Variants in COX7B2 observed in about 807,000 individuals in gnomAD.
COX7B2 encodes the protein cytochrome c oxidase subunit 7B2, mitochondrial.
For synonymous variants in COX7B2, 37 were observed against 32.1 expected, an observed-to-expected ratio of 1.15 and a Z score of -0.51; for missense variants, 109 against 95.9, an observed-to-expected ratio of 1.14 and a Z score of -0.57.
intron 2 of COX7B2, among the ~76,000 whole-genome samples, chr4:46,741,493 A>G (rs527854926): frequency 1.3e-4 from 20 of 152,208 alleles, no homozygotes; most frequent in Non-Finnish European, 7.4e-5. Context: ...CTGTATATAC[A>G]GAAAGGTGTA....
chr4:46,892,529 T>C (rs946538399), intron 1 of COX7B2, among the ~76,000 whole-genome samples: 7 of 152,190 alleles, frequency 4.6e-5, no homozygotes, highest in Admixed American at 1.3e-4. Flanking sequence ...ATATGGAAGA[T>C]AGAGCCTTGC....
intron 2 of COX7B2, among the ~76,000 whole-genome samples, chr4:46,743,746 G>A (rs1714849715): frequency 6.6e-6 from 1 of 152,150 alleles, no homozygotes. Flanking sequence ...TCCAAATGTA[G>A]CTAAACATGC....
intron 2 of COX7B2, among the ~76,000 whole-genome samples, chr4:46,781,634 G>A (rs1717454323): frequency 6.6e-6 from 1 of 152,240 alleles, no homozygotes; most frequent in African/African-American, 2.4e-5. Flanking sequence ...CTCTGGGCTG[G>A]CTGAGGCCGG....
intron 1 of COX7B2, among the ~76,000 whole-genome samples, chr4:46,886,976 C>A (rs1719119813): frequency 6.6e-6 from 1 of 152,108 alleles, no homozygotes; most frequent in Non-Finnish European, 1.5e-5. Flanking sequence ...TTAAACTCGA[C>A]ACAGGAAGCT....
At chr4:46,882,095 T>C (rs1356489164) in intron 1 of COX7B2, among the ~76,000 whole-genome samples, 1 of 152,230 alleles carries the variant, frequency 6.6e-6, no homozygotes, top group Non-Finnish European at 1.5e-5. Context: ...TCCATGTAAC[T>C]GCATGATTTT....
At chr4:46,902,076 G>A (rs1224762561) in intron 1 of COX7B2, among the ~76,000 whole-genome samples, 1 of 151,946 alleles carries the variant, frequency 6.6e-6, no homozygotes, top group Non-Finnish European at 1.5e-5. Context: ...TGTTTCTCTG[G>A]AGAACCCTGC....
intron 2 of COX7B2, among the ~76,000 whole-genome samples, chr4:46,833,195 G>A (rs577539925): frequency 5.8e-4 from 88 of 152,168 alleles, no homozygotes; most frequent in African/African-American, 1.2e-3. Flanking sequence ...GTGAGCCACC[G>A]CGCCCCACCA....
chr4:46,745,055 C>T (rs1714940428), intron 2 of COX7B2, among the ~76,000 whole-genome samples: 1 of 152,118 alleles, frequency 6.6e-6, no homozygotes, highest in Admixed American at 6.5e-5. Flanking sequence ...TTTAAAGACA[C>T]ATTTACCAAT....
chr4:46,831,303 C>A (rs962003020), intron 2 of COX7B2, among the ~76,000 whole-genome samples: 2 of 152,180 alleles, frequency 1.3e-5, no homozygotes, highest in Non-Finnish European at 2.9e-5. Context: ...CTGCAGCCTG[C>A]CATGCCTGAG....
At chr4:46,893,803 C>T (rs1057107965) in intron 1 of COX7B2, among the ~76,000 whole-genome samples, 3 of 151,962 alleles carry the variant, frequency 2.0e-5, no homozygotes, top group Non-Finnish European at 4.4e-5. Context: ...AATGTTGTCA[C>T]ATAAAATAAT....
chr4:46,736,929 G>A (rs1204268535), intron 2 of COX7B2, among the ~76,000 whole-genome samples: 1 of 152,106 alleles, frequency 6.6e-6, no homozygotes, highest in Non-Finnish European at 1.5e-5. Context: ...ACATCTGTGG[G>A]TAGGGTTTTG....
intron 2 of COX7B2, among the ~76,000 whole-genome samples, chr4:46,804,172 C>A (rs1718838543): frequency 6.6e-6 from 1 of 152,114 alleles, no homozygotes; most frequent in Non-Finnish European, 1.5e-5. Context: ...GGTTCGTGGT[C>A]TCACTAGCTT....
At chr4:46,792,556 C>T (rs1718106880) in intron 2 of COX7B2, among the ~76,000 whole-genome samples, 1 of 152,200 alleles carries the variant, frequency 6.6e-6, no homozygotes. Flanking sequence ...GGGACTGAGG[C>T]TTACACTATC....
intron 2 of COX7B2, among the ~76,000 whole-genome samples, chr4:46,785,759 C>T (rs997114598): frequency 4.7e-4 from 72 of 152,004 alleles, no homozygotes; most frequent in African/African-American, 1.7e-3. Flanking sequence ...TTCACCTAAC[C>T]ACATGAATAG....
chr4:46,750,056 ATAAGTT>A (rs1412690672), intron 2 of COX7B2, among the ~76,000 whole-genome samples: 2 of 152,146 alleles, frequency 1.3e-5, no homozygotes, highest in Admixed American at 1.3e-4. Flanking sequence ...ATTCCACAGA[ATAAGTT>A]TAAGAATTTC....
At chr4:46,822,057 G>A (rs1291648809) in intron 2 of COX7B2, among the ~76,000 whole-genome samples, 3 of 152,198 alleles carry the variant, frequency 2.0e-5, no homozygotes, top group Non-Finnish European at 2.9e-5. Context: ...GACTATAGGC[G>A]CATGCCACCA....
intron 2 of COX7B2, among the ~76,000 whole-genome samples, chr4:46,777,069 A>C (rs1400451967): frequency 6.6e-6 from 1 of 152,132 alleles, no homozygotes; most frequent in Non-Finnish European, 1.5e-5. Context: ...CATCATCCAG[A>C]GTAAATGTAA....
rs1716248347 is a variant in COX7B2, at chr4:46,762,509, A to G, written c.-49-27268T>C. Among the ~76,000 whole-genome samples, 3 of 142,386 alleles carry G rather than the reference A, an allele frequency of 2.1e-5. No homozygotes were observed. In the South Asian group the frequency reaches 6.4e-4, roughly 31 times the overall value. 93.4% of individuals were successfully genotyped at this position (142,386 alleles called of 152,430 possible). On this transcript the variant is annotated intron_variant, in intron 2 of 2. Coordinates refer to ENST00000355591, the MANE Select transcript of COX7B2 (RefSeq NM_130902.3). ...TATTGTAAATATATAGTATATTATG[A>G]TTAAGTAGAAAAACTGAGGGCAGCC...
At chr4:46,838,100 T>A (rs1035999364) in intron 2 of COX7B2, among the ~76,000 whole-genome samples, 1 of 152,030 alleles carries the variant, frequency 6.6e-6, no homozygotes, top group Non-Finnish European at 1.5e-5. Context: ...AGCAAAATAG[T>A]TTCAAAAAAT....
Sources: gnomAD v4.1 joint callset for allele counts (sites outside exome capture counted in the v4.1 genomes callset) on GRCh38, gnomAD v4.1.1 for gene constraint, MANE v1.5 for transcripts, NCBI Gene and HGNC (gene_info 2026-07-23, HGNC 2026-07-21) for gene names.